SEMA3A: variants seen among roughly 807,000 people sequenced by gnomAD.
SEMA3A encodes the protein semaphorin-3A.
Under a neutral mutation model 97.9 loss-of-function variants are expected in SEMA3A, and 29 were observed. The observed-to-expected ratio is 0.30, with a 90% CI of 0.22 to 0.40. SEMA3A has a LOEUF of 0.40. Ranked by LOEUF, SEMA3A falls within the 10% of genes least tolerant of loss-of-function variation. The pLI is 1.00. For synonymous variants in SEMA3A, 321 were observed against 323.7 expected, an observed-to-expected ratio of 0.99 and a Z score of 0.09; for missense variants, 763 against 951.3, an observed-to-expected ratio of 0.80 and a Z score of 2.60.
chr7:84,240,468 G>C (rs1332357020), intron 3 of SEMA3A, among the ~76,000 whole-genome samples: 1 of 152,174 alleles, frequency 6.6e-6, no homozygotes, highest in Non-Finnish European at 1.5e-5. Flanking sequence ...ATGGAAGATG[G>C]AAGTAGAAAG....
intron 1 of SEMA3A, among the ~76,000 whole-genome samples, chr7:84,436,889 A>C (rs1805145775): frequency 6.6e-6 from 1 of 152,108 alleles, no homozygotes; most frequent in African/African-American, 2.4e-5. Context: ...GTAAACATTA[A>C]ATTTTAAGTG....
At chr7:84,143,950 A>AACACACACACACACACAC (rs796470836) in intron 1 of SEMA3A, among the ~76,000 whole-genome samples, 3 of 94,654 alleles carry the variant, frequency 3.2e-5, no homozygotes, top group African/African-American at 1.1e-4. Flanking sequence ...CTCTCTCTCT[A>AACACACACACACACACAC]ACACACACAC....
intron 2 of SEMA3A, among the ~76,000 whole-genome samples, chr7:84,363,457 A>T (rs375482274): frequency 6.6e-6 from 1 of 151,908 alleles, no homozygotes; most frequent in Non-Finnish European, 1.5e-5. Flanking sequence ...TTTTCACCCC[A>T]GTTCTTTAAA....
chr7:84,108,064 G>T (rs894707397), intron 4 of SEMA3A, among the ~76,000 whole-genome samples: 5 of 151,966 alleles, frequency 3.3e-5, no homozygotes, highest in African/African-American at 1.2e-4. Flanking sequence ...CAAAATGCAA[G>T]GTATAGACTT....
intron 1 of SEMA3A, among the ~76,000 whole-genome samples, chr7:84,173,058 T>C (rs1163945284): frequency 6.6e-6 from 1 of 152,132 alleles, no homozygotes; most frequent in East Asian, 1.9e-4. Context: ...CTGCCAACAC[T>C]TTATGACCAT....
rs2189117 is a variant in SEMA3A, at chr7:84,309,447, A to G, written c.-168-2155T>C. 0.013 allele frequency among the ~76,000 whole-genome samples: 1,919 copies of G among 152,230 alleles called. 62 individuals are homozygous for G. In the East Asian group the frequency reaches 0.14, roughly 11 times the overall value. ...TCAGTGGGAGCAGAGAGATGGTTGT[A>G]AAGTCATGTCAGGAGTGTTCAGATT... On this transcript the variant is annotated intron_variant, in intron 2 of 3. Coordinates refer to the SEMA3A transcript ENST00000424555.
chr7:84,238,465 A>C (rs980418301), intron 3 of SEMA3A, among the ~76,000 whole-genome samples: 1 of 152,156 alleles, frequency 6.6e-6, no homozygotes, highest in Non-Finnish European at 1.5e-5. Context: ...TCATGTATTT[A>C]AATCGGCTTC....
chr7:84,401,181 T>C (rs890590821), intron 1 of SEMA3A, among the ~76,000 whole-genome samples: 4 of 151,874 alleles, frequency 2.6e-5, no homozygotes, highest in Non-Finnish European at 5.9e-5. Flanking sequence ...TGTTACAAAA[T>C]CAAAATACAA....
At chr7:83,995,255 A>G (rs943045779) in intron 12 of SEMA3A, among the ~76,000 whole-genome samples, 15 of 152,246 alleles carry the variant, frequency 9.9e-5, no homozygotes, top group Admixed American at 5.9e-4. Flanking sequence ...CCTCAGATGG[A>G]AATGCAGAAA....
chr7:84,091,293 A>G (rs967777006), intron 4 of SEMA3A, among the ~76,000 whole-genome samples: 3 of 120,100 alleles, frequency 2.5e-5, no homozygotes, highest in East Asian at 2.6e-4. Flanking sequence ...AGAAAGAAAG[A>G]AAAAGAAAAA....
intron 5 of SEMA3A, among the ~76,000 whole-genome samples, chr7:84,057,418 A>AT: frequency 6.6e-6 from 1 of 152,274 alleles, no homozygotes; most frequent in Non-Finnish European, 1.5e-5. Context: ...TTAGTAAAAG[A>AT]TTTTTTAAAA....
chr7:84,245,570 C>T (rs1474593421), intron 3 of SEMA3A, among the ~76,000 whole-genome samples: 4 of 151,452 alleles, frequency 2.6e-5, no homozygotes, highest in African/African-American at 7.3e-5. Flanking sequence ...CATTATTACC[C>T]ACCTTCTGCT....
chr7:84,146,490 T>C (rs1796466905), intron 1 of SEMA3A, among the ~76,000 whole-genome samples: 1 of 152,196 alleles, frequency 6.6e-6, no homozygotes, highest in South Asian at 2.1e-4. Flanking sequence ...CTGATATTGA[T>C]AGTAGCCTTT....
At chr7:84,231,257 C>G (rs1009674984) in intron 3 of SEMA3A, among the ~76,000 whole-genome samples, 2 of 151,884 alleles carry the variant, frequency 1.3e-5, no homozygotes, top group Non-Finnish European at 2.9e-5. Context: ...ACTTTAATTC[C>G]TCAGTTCCTA....
chr7:84,238,547 C>T (rs1279594735), intron 3 of SEMA3A, among the ~76,000 whole-genome samples: 4 of 152,058 alleles, frequency 2.6e-5, no homozygotes, highest in Non-Finnish European at 5.9e-5. Flanking sequence ...GATAATCACT[C>T]ATACATAATA....
chr7:83,972,176 A>G (rs1225176139), intron 15 of SEMA3A, among the ~76,000 whole-genome samples: 2 of 151,964 alleles, frequency 1.3e-5, no homozygotes, highest in Non-Finnish European at 2.9e-5. Flanking sequence ...TTTTTGCAGT[A>G]GAGTCACCAG....
chr7:84,149,811 G>A (rs111354340), intron 1 of SEMA3A, among the ~76,000 whole-genome samples: 5,787 of 152,258 alleles, frequency 0.038, 172 homozygotes, highest in Non-Finnish European at 0.061. Context: ...CATTGAAAAT[G>A]AGACACTAGC....
rs542530783 is a variant in SEMA3A at position 84,309,608 on chromosome 7, A to G, written c.-168-2316T>C. Among the ~76,000 whole-genome samples the G allele has an allele frequency of 3.3e-5, 5 of 152,270 alleles. 1 individual carries two copies. Among genetic ancestry groups the G allele is most frequent in the African/African-American group, 1.2e-4 (5 of 41,554 alleles). ...CCTTTCTCCCTTGACCCTAATCAGC[A>G]TTGGTCTGTAGAACATATACCACGT... is the stretch of plus-strand genomic sequence containing the variant. On this transcript the variant is annotated intron_variant, in intron 2 of 3. Transcript: ENST00000424555.
chr7:84,427,712 T>C (rs1219632618), intron 1 of SEMA3A, among the ~76,000 whole-genome samples: 1 of 151,254 alleles, frequency 6.6e-6, no homozygotes, highest in Non-Finnish European at 1.5e-5. Flanking sequence ...TTTTTATGTA[T>C]TACCCTTTTA....
Sources: allele counts gnomAD v4.1 joint callset (sites outside exome capture counted in the v4.1 genomes callset), GRCh38; gene constraint gnomAD v4.1.1; transcripts MANE v1.5; gene names NCBI Gene and HGNC (gene_info 2026-07-23, HGNC 2026-07-21).